Variants in ZFAT observed in about 807,000 individuals in gnomAD.
The protein encoded by ZFAT is zinc finger and AT-hook domain containing, also known as zinc finger protein ZFAT.
Under a neutral mutation model 117.7 loss-of-function variants are expected in ZFAT, and 64 were observed. The ratio of observed to expected loss-of-function variants is 0.54; its 90% confidence interval spans 0.44 to 0.67. The LOEUF (loss-of-function observed/expected upper bound fraction) is 0.67. Ranked by LOEUF, ZFAT falls within the 30% of genes least tolerant of loss-of-function variation. The pLI, the probability that ZFAT is intolerant of heterozygous loss-of-function variation, is 0.00. For synonymous variants in ZFAT, 679 were observed against 615.0 expected (o/e 1.10, Z -1.54); for missense variants, 1,433 against 1,584.5 (o/e 0.90, Z 1.62).
chr8:134,595,536 C>G (rs766323469), intron 7 of ZFAT, among the ~76,000 whole-genome samples: 1 of 152,186 alleles, frequency 6.6e-6, no homozygotes, highest in Non-Finnish European at 1.5e-5. Context: ...GGGCTGAACT[C>G]AGGCACATCA....
rs76250646 is a variant in ZFAT, at chr8:134,563,639, G to A, written c.2976+1694C>T. The stretch of plus-strand genomic sequence containing the variant: ...GCCATGGCAGAAAAGACTGACAGGT[G>A]ATCAGTTAGCTTCTCTGAGGTTTAG... On this transcript the variant is annotated intron_variant, in intron 11 of 15. Transcript: ENST00000377838. Among the ~76,000 whole-genome samples the A allele has an allele frequency of 7.0e-3, 1,071 of 152,328 alleles. 20 individuals carry two copies. Among genetic ancestry groups the A allele is most frequent in the African/African-American group, 0.024 (1,018 of 41,574 alleles).
At chr8:134,544,823 A>G (rs2130654840) in intron 11 of ZFAT, among the ~76,000 whole-genome samples, 1 of 152,324 alleles carries the variant, frequency 6.6e-6, no homozygotes, top group East Asian at 1.9e-4. Context: ...TGTTCACACC[A>G]AGATATGGAC....
the ZFAT span, among the ~76,000 whole-genome samples, chr8:134,813,332 G>T: frequency 6.6e-6 from 1 of 152,196 alleles, no homozygotes; most frequent in African/African-American, 2.4e-5. Context: ...GGATAACCGA[G>T]ATGGGCAGCC....
At chr8:134,565,024 C>A in intron 11 of ZFAT, 1 of 1,334,770 alleles carries the variant, frequency 7.5e-7, no homozygotes, top group South Asian at 1.3e-5. Context: ...AAATACGTGT[C>A]CCTAAAGCCT....
the ZFAT span, among the ~76,000 whole-genome samples, chr8:134,740,824 G>A: frequency 3.5e-3 from 540 of 152,272 alleles, 3 homozygotes; most frequent in African/African-American, 0.012. Context: ...ACAAGCTCAA[G>A]AAGCTAATCA....
the ZFAT span, among the ~76,000 whole-genome samples, chr8:134,738,903 C>G: frequency 1.3e-5 from 2 of 152,216 alleles, no homozygotes; most frequent in Non-Finnish European, 2.9e-5. Context: ...GGCACAGAAC[C>G]TGTGCTCAGA....
chr8:134,558,847 T>A (rs1194146587), intron 11 of ZFAT, among the ~76,000 whole-genome samples: 1 of 152,182 alleles, frequency 6.6e-6, no homozygotes, highest in Non-Finnish European at 1.5e-5. Context: ...ATTTTACAGA[T>A]CATAAAATTT....
At chr8:134,565,305 T>C (rs1412146400) in intron 11 of ZFAT, 28 bp downstream of exon 11, 9 of 1,611,414 alleles carry the variant, frequency 5.6e-6, no homozygotes, top group Non-Finnish European at 7.6e-6. Flanking sequence ...TGTCTGAACA[T>C]CTGCCTTCTT....
intron 3 of ZFAT, among the ~76,000 whole-genome samples, chr8:134,631,466 T>G (rs1183455301): frequency 6.6e-6 from 1 of 152,194 alleles, no homozygotes; most frequent in Non-Finnish European, 1.5e-5. Context: ...AAATGAGTCA[T>G]GTGACCTGAT....
chr8:134,512,500 C>T lies in ZFAT; in HGVS notation c.3336G>A (p.Gln1112=). The T allele has an allele frequency of 6.2e-7, 1 of 1,614,024 alleles. No homozygotes were observed. The highest frequency in any genetic ancestry group is 8.5e-7 in the Non-Finnish European group (1 of 1,179,886). ...QGTQAAVAAL[Q]DLRYTSESGD... ...CACTCTCAGAGGTGTATCTCAGGTC[C>T]TGGAGCGCGGCCACCGCTGCCTGTG... The change falls in exon 14 of 16, where the codon CAG becomes CAA. Residue 1112 remains glutamine (Q), a synonymous_variant. Coordinates refer to ENST00000377838, the MANE Select transcript of ZFAT (RefSeq NM_020863.4).
At chr8:134,565,672 T>A (rs550995940) in intron 10 of ZFAT, 2 of 595,816 alleles carry the variant, frequency 3.4e-6, no homozygotes, top group South Asian at 1.9e-5. Context: ...CCATGAGCAA[T>A]GACATTCGAT....
At chr8:134,742,163 CT>C in the ZFAT span, among the ~76,000 whole-genome samples, 42 of 146,502 alleles carry the variant, frequency 2.9e-4, no homozygotes, top group African/African-American at 4.5e-4. Flanking sequence ...CAGATCATTT[CT>C]TTTTTTTTTT....
rs1817439251 is a variant in ZFAT, at chr8:134,483,184, C to A, written c.3493-4463G>T. ...CCCACGGCACCCAATATCCACCCAG[C>A]CATTTGCAGTTTACTGAACATTCTC... is the stretch of plus-strand genomic sequence containing the variant. On this transcript the variant is annotated intron_variant, in intron 15 of 15. Transcript: ENST00000377838. 2.0e-5 allele frequency among the ~76,000 whole-genome samples: 3 copies of A among 152,206 alleles called. No individual in the cohort carries two copies. In the South Asian group the frequency reaches 6.2e-4, roughly 31 times the overall value.
chr8:134,763,421 C>T, the ZFAT span, among the ~76,000 whole-genome samples: 3 of 152,128 alleles, frequency 2.0e-5, no homozygotes, highest in Non-Finnish European at 2.9e-5. Context: ...AGAATGGTTG[C>T]TCCCTCATTT....
At position 134,602,069 on chromosome 8, in the gene ZFAT, C is replaced by A. The variant is rs1323161770; in HGVS notation, c.1650G>T (p.Glu550Asp). 4 of 1,611,418 alleles carry A rather than the reference C, an allele frequency of 2.5e-6. No homozygotes were observed. Among genetic ancestry groups the A allele is most frequent in the Non-Finnish European group, 3.4e-6 (4 of 1,179,374 alleles). The change falls in exon 6 of 16, where the codon GAG (glutamate) becomes GAT (aspartate). Residue 550 changes from glutamate (E) to aspartate (D), a missense_variant. This residue lies in a region of ZFAT where 372 missense variants were observed against 355.6 expected (regional missense o/e 1.05). Transcript: ENST00000377838. ...TQLEEGRKEP[E>D]APGEMPAPAV... Reference sequence around the variant, plus strand: ...CTGGGGCAGGCATTTCCCCAGGGGCCTCCGGCTCCTTCCGGCCCTCCTCCA... The same window carrying A: ...CTGGGGCAGGCATTTCCCCAGGGGCATCCGGCTCCTTCCGGCCCTCCTCCA...
chr8:134,700,225 C>G (rs1024543403), intron 1 of ZFAT, among the ~76,000 whole-genome samples: 8 of 152,224 alleles, frequency 5.3e-5, no homozygotes, highest in Admixed American at 6.5e-5. Flanking sequence ...TCAAAGAAGT[C>G]ACAAGAACTA....
chr8:134,656,536 G>C (rs1158112441), intron 2 of ZFAT, among the ~76,000 whole-genome samples: 1 of 152,178 alleles, frequency 6.6e-6, no homozygotes, highest in South Asian at 2.1e-4. Flanking sequence ...CTTCTGTCAG[G>C]CATGTTTCTC....
Position 134,656,433 on chromosome 8 carries a change from CA to C in ZFAT, c.196+1127del. Among the ~76,000 whole-genome samples, 3 of 152,278 alleles carry C rather than the reference CA, an allele frequency of 2.0e-5. No homozygotes were observed. In the South Asian group the frequency reaches 6.2e-4, roughly 32 times the overall value. On this transcript the variant is annotated intron_variant, in intron 2 of 15. Coordinates refer to ENST00000377838, the MANE Select transcript of ZFAT (RefSeq NM_020863.4). ...TACTAACTGCTGCTCCTTATTCACC[CA>C]CCACTAGCTTCGGGTGCTGCATCTT... is the stretch of plus-strand genomic sequence containing the variant.
chr8:134,784,822 A>T, the ZFAT span: 1 of 152,196 alleles, frequency 6.6e-6, no homozygotes, highest in African/African-American at 2.4e-5. Flanking sequence ...AATGTAGATA[A>T]ATTTAACAAA....
Sources: allele counts gnomAD v4.1 joint callset (sites outside exome capture counted in the v4.1 genomes callset), GRCh38; gene constraint gnomAD v4.1.1; regional missense constraint gnomAD v4.1.1; transcripts MANE v1.5; gene names NCBI Gene and HGNC (gene_info 2026-07-23, HGNC 2026-07-21).